The following XKRX variants were observed in gnomAD, a reference collection of about 807,000 sequenced individuals.
XKRX encodes XK related X-linked.
Under a neutral mutation model 22.4 loss-of-function variants are expected in XKRX, and 11 were observed. The observed-to-expected ratio is 0.49, with a 90% CI of 0.31 to 0.81. The LOEUF (loss-of-function observed/expected upper bound fraction) is 0.81, where lower values mean the gene tolerates loss of function less well. Among genes scored for constraint, XKRX ranks in the 40% least tolerant of loss-of-function variants. XKRX has a pLI of 0.05. For missense variants in XKRX, 320 were observed against 336.5 expected, an observed-to-expected ratio of 0.95 and a Z score of 0.38; for synonymous variants, 114 against 132.2, an observed-to-expected ratio of 0.86 and a Z score of 0.94.
intron 1 of XKRX, among the ~76,000 whole-genome samples, chrX:100,927,374 T>C (rs1293707727): frequency 9.0e-6 from 1 of 111,141 alleles, no homozygotes; most frequent in African/African-American, 3.3e-5. Flanking sequence ...GGTTTCACCA[T>C]GTTGGCCAGC....
At chrX:100,897,313 G>A in the XKRX span, among the ~76,000 whole-genome samples, 1 of 109,876 alleles carries the variant, frequency 9.1e-6, no homozygotes, top group African/African-American at 3.3e-5. Context: ...GGCCAAATGC[G>A]GTGGCTCACA....
At chrX:100,904,172 G>C in the XKRX span, among the ~76,000 whole-genome samples, 1 of 111,703 alleles carries the variant, frequency 9.0e-6, no homozygotes, top group Non-Finnish European at 1.9e-5. Flanking sequence ...CCCAGAAATA[G>C]ACTCACATAA....
At chrX:100,912,047 GT>G (rs759280993), downstream of XKRX, among the ~76,000 whole-genome samples, 74 of 111,570 alleles carry the variant, frequency 6.6e-4, no homozygotes, top group African/African-American at 2.3e-3. Flanking sequence ...GTGTCTATAT[GT>G]TTCCATAGCA....
chrX:100,943,086 T>A, the XKRX span, among the ~76,000 whole-genome samples: 36 of 111,565 alleles, frequency 3.2e-4, no homozygotes, highest in Middle Eastern at 4.6e-3. Context: ...TGGCTTCTCA[T>A]CCTAGTTATG....
chrX:100,954,568 A>G, the XKRX span, among the ~76,000 whole-genome samples: 2 of 112,136 alleles, frequency 1.8e-5, no homozygotes, highest in Admixed American at 9.5e-5. Context: ...TCCTAGGTAT[A>G]TAACAAAGAG....
At chrX:100,908,138 T>TGTGTGTGTGTGTGTGTGTGTGTGTG in the XKRX span, among the ~76,000 whole-genome samples, 2 of 109,181 alleles carry the variant, frequency 1.8e-5, no homozygotes, top group Admixed American at 9.8e-5. Context: ...TGTGTGTGTG[T>TGTGTGTGTGTGTGTGTGTGTGTGTG]TTGAAACGGA....
At chrX:100,905,394 AGCCAGATCT>A in the XKRX span, among the ~76,000 whole-genome samples, 2,539 of 112,448 alleles carry the variant, frequency 0.023, 70 homozygotes, top group African/African-American at 0.079. Context: ...CTCTATCTTT[AGCCAGATCT>A]TAAACTTGTT....
downstream of XKRX, among the ~76,000 whole-genome samples, chrX:100,911,964 G>A (rs1322485628): frequency 1.8e-5 from 2 of 111,598 alleles, no homozygotes; most frequent in Non-Finnish European, 3.8e-5. Context: ...ATTTTGCCTG[G>A]TCCAGTACTG....
the XKRX span, among the ~76,000 whole-genome samples, chrX:100,936,243 A>G: frequency 8.8e-3 from 983 of 111,116 alleles, 10 homozygotes; most frequent in African/African-American, 0.031. Flanking sequence ...TCACACTGCT[A>G]TAAAGAAATA....
the XKRX span, among the ~76,000 whole-genome samples, chrX:100,897,584 AAT>A: frequency 9.3e-3 from 419 of 45,002 alleles, 6 homozygotes; most frequent in African/African-American, 0.014. Flanking sequence ...AAATCCCACA[AAT>A]ATATATATGT....
intron 2 of XKRX, among the ~76,000 whole-genome samples, chrX:100,918,771 C>A (rs1480247613): frequency 2.7e-5 from 3 of 111,336 alleles, no homozygotes; most frequent in African/African-American, 9.8e-5. Context: ...CTGTGTTCTT[C>A]TTTCTTCTTC....
chrX:100,907,417 C>A, the XKRX span, among the ~76,000 whole-genome samples: 4 of 111,359 alleles, frequency 3.6e-5, no homozygotes, highest in Admixed American at 2.9e-4. Context: ...CCAGGCTGAT[C>A]TCAGATTCCT....
Position 100,927,954 on chromosome X carries a change from T to C in XKRX, c.335+16A>G. 1 of 1,171,157 alleles carries C rather than the reference T, an allele frequency of 8.5e-7. No individual in the cohort carries two copies. The highest frequency in any genetic ancestry group is 2.6e-5 in the Admixed American group (1 of 39,100). ...TGGGGTTAGGGGGGTAAGGAAAAGA[T>C]TTAAAAGTTGCTCACCTGATAACAG... On this transcript the variant is annotated intron_variant, in intron 1 of 2. Transcript: ENST00000372956.
At chrX:100,936,735 C>T in the XKRX span, among the ~76,000 whole-genome samples, 1 of 108,912 alleles carries the variant, frequency 9.2e-6, no homozygotes, top group Non-Finnish European at 1.9e-5. Flanking sequence ...GGGAAGCAGG[C>T]ACCTTCATCA....
the XKRX span, among the ~76,000 whole-genome samples, chrX:100,946,978 T>C: frequency 2.8e-4 from 31 of 112,217 alleles, no homozygotes; most frequent in Admixed American, 2.5e-3. Context: ...ACCAGAACAC[T>C]GTATTCCTCT....
upstream of XKRX, among the ~76,000 whole-genome samples, chrX:100,930,654 A>G (rs1396871721): frequency 9.0e-6 from 1 of 111,059 alleles, no homozygotes; most frequent in Non-Finnish European, 1.9e-5. Context: ...TATTGAGAAC[A>G]ACTTCAGAGA....
chrX:100,902,394 T>G, the XKRX span, among the ~76,000 whole-genome samples: 20 of 112,017 alleles, frequency 1.8e-4, 1 homozygote, highest in African/African-American at 6.1e-4. Context: ...AATTCCCAAC[T>G]TATTTTATGA....
the XKRX span, among the ~76,000 whole-genome samples, chrX:100,936,552 AAAAAAAAAAAAAAAAAAAG>A: frequency 1.0e-5 from 1 of 100,466 alleles, no homozygotes; most frequent in Admixed American, 1.1e-4. Flanking sequence ...AAAAAAAAAA[AAAAAAAAAAAAAAAAAAAG>A]AAAAGAAAAG....
chrX:100,901,545 C>G, the XKRX span, among the ~76,000 whole-genome samples: 1 of 111,433 alleles, frequency 9.0e-6, no homozygotes, highest in African/African-American at 3.3e-5. Flanking sequence ...ATTTCAATAC[C>G]CTTCTTTCAG....
Sources: allele counts gnomAD v4.1 joint callset (sites outside exome capture counted in the v4.1 genomes callset), GRCh38; gene constraint gnomAD v4.1.1; transcripts MANE v1.5; gene names NCBI Gene and HGNC (gene_info 2026-07-23, HGNC 2026-07-21).